DRC8: variants seen among roughly 807,000 people sequenced by gnomAD.
DRC8 encodes the protein dynein regulatory complex protein 8.
chr1:245,053,868 C>T, the DRC8 span, among the ~76,000 whole-genome samples: 5 of 152,038 alleles, frequency 3.3e-5, no homozygotes, highest in South Asian at 1.0e-3. Context: ...AAGAACTTGC[C>T]ATTCTCTCAC....
chr1:245,109,328 G>C, the DRC8 span, among the ~76,000 whole-genome samples: 10 of 152,182 alleles, frequency 6.6e-5, no homozygotes, highest in Non-Finnish European at 8.8e-5. Context: ...CAAAGGGCTA[G>C]AGAGGGGCAC....
the DRC8 span, among the ~76,000 whole-genome samples, chr1:245,050,494 A>C: frequency 6.6e-6 from 1 of 152,108 alleles, no homozygotes; most frequent in Non-Finnish European, 1.5e-5. Flanking sequence ...CTTGAATATT[A>C]ACTCTACGTG....
the DRC8 span, among the ~76,000 whole-genome samples, chr1:245,120,639 T>C: frequency 5.9e-5 from 9 of 152,338 alleles, no homozygotes; most frequent in Middle Eastern, 0.014. Flanking sequence ...TCAGCATTTT[T>C]CAAACATTTT....
chr1:245,000,213 G>T, the DRC8 span, among the ~76,000 whole-genome samples: 4 of 152,166 alleles, frequency 2.6e-5, no homozygotes, highest in Non-Finnish European at 5.9e-5. Flanking sequence ...TGTAATAAAA[G>T]TTATGTGACT....
chr1:245,104,376 T>C, the DRC8 span, among the ~76,000 whole-genome samples: 305 of 151,888 alleles, frequency 2.0e-3, 1 homozygote, highest in Admixed American at 3.3e-3. Context: ...TGGTGGCGCA[T>C]GCCTGTAATC....
At chr1:245,016,449 C>T in the DRC8 span, among the ~76,000 whole-genome samples, 16 of 152,206 alleles carry the variant, frequency 1.1e-4, no homozygotes, top group Non-Finnish European at 2.2e-4. Context: ...AGGCAGGCCT[C>T]TCTAAGACCA....
chr1:245,052,966 A>C, the DRC8 span, among the ~76,000 whole-genome samples: 1 of 152,254 alleles, frequency 6.6e-6, no homozygotes, highest in African/African-American at 2.4e-5. Context: ...CTAGGGATAC[A>C]GATATGAATT....
chr1:244,978,365 T>C, the DRC8 span, among the ~76,000 whole-genome samples: 2,559 of 152,018 alleles, frequency 0.017, 74 homozygotes, highest in African/African-American at 0.056. Context: ...TGGTGGCGCA[T>C]GCCTGTTATC....
the DRC8 span, chr1:245,081,962 G>A: frequency 1.4e-6 from 1 of 732,948 alleles, no homozygotes; most frequent in Non-Finnish European, 2.4e-6. Flanking sequence ...TGTGAGCAGG[G>A]GTCACGCCCA....
the DRC8 span, chr1:245,123,073 C>G: frequency 6.6e-6 from 1 of 152,086 alleles, no homozygotes; most frequent in African/African-American, 2.4e-5. The surrounding 1 kb of genome is among the most constrained non-coding windows in gnomAD (Gnocchi z 5.0). Context: ...ATCCTTAGTT[C>G]ATTCTTTTTT....
At chr1:245,088,568 A>G in the DRC8 span, among the ~76,000 whole-genome samples, 2 of 152,224 alleles carry the variant, frequency 1.3e-5, no homozygotes, top group Non-Finnish European at 2.9e-5. This position sits in a 1 kb window ranked among gnomAD's most constrained non-coding sequence, Gnocchi z 4.6. Flanking sequence ...TCCAGGTCAC[A>G]GTTTAGTGAG....
the DRC8 span, among the ~76,000 whole-genome samples, chr1:245,096,467 T>C: frequency 4.5e-3 from 690 of 152,358 alleles, 5 homozygotes; most frequent in Middle Eastern, 0.01. Context: ...ATTCTCACCA[T>C]GTGCCAGACA....
At chr1:245,002,875 G>A in the DRC8 span, among the ~76,000 whole-genome samples, 1 of 151,756 alleles carries the variant, frequency 6.6e-6, no homozygotes, top group South Asian at 2.1e-4. Context: ...AAATTGTTGT[G>A]TAGCCGCCAC....
At chr1:245,105,006 G>T in the DRC8 span, among the ~76,000 whole-genome samples, 1 of 152,158 alleles carries the variant, frequency 6.6e-6, no homozygotes, top group South Asian at 2.1e-4. Flanking sequence ...AGAATTGTCC[G>T]CACGTTGGAC....
At chr1:244,974,820 C>G in the DRC8 span, among the ~76,000 whole-genome samples, 7 of 152,318 alleles carry the variant, frequency 4.6e-5, no homozygotes, top group African/African-American at 1.4e-4. Context: ...CTCAGCCTCC[C>G]AAGTAGCTGG....
the DRC8 span, among the ~76,000 whole-genome samples, chr1:245,085,010 T>A: frequency 6.6e-6 from 1 of 152,246 alleles, no homozygotes; most frequent in African/African-American, 2.4e-5. Flanking sequence ...AATCCTAGGT[T>A]ATATATCAGG....
the DRC8 span, among the ~76,000 whole-genome samples, chr1:245,102,426 T>A: frequency 6.6e-6 from 1 of 152,160 alleles, no homozygotes; most frequent in Non-Finnish European, 1.5e-5. Context: ...CTCAGCTCAC[T>A]GCAGCCTCCA....
At chr1:245,084,845 CAG>C in the DRC8 span, among the ~76,000 whole-genome samples, 1 of 152,208 alleles carries the variant, frequency 6.6e-6, no homozygotes, top group East Asian at 1.9e-4. Flanking sequence ...AGGCGGAATA[CAG>C]AGAGTGAGGG....
chr1:245,114,970 C>T, the DRC8 span, among the ~76,000 whole-genome samples: 5 of 152,196 alleles, frequency 3.3e-5, no homozygotes, highest in South Asian at 2.1e-4. Flanking sequence ...GTGATCCACC[C>T]GCCTCAGCCT....
Sources: allele counts gnomAD v4.1 joint callset (sites outside exome capture counted in the v4.1 genomes callset), GRCh38; gene constraint gnomAD v4.1.1; non-coding constraint Gnocchi (gnomAD v3.1); transcripts MANE v1.5; gene names NCBI Gene and HGNC (gene_info 2026-07-23, HGNC 2026-07-21).